Variants in KLF13 observed in about 807,000 individuals in gnomAD.
KLF13 encodes Krueppel-like factor 13.
Under a neutral mutation model 16.7 loss-of-function variants are expected in KLF13, and 8 were observed. The ratio of observed to expected loss-of-function variants is 0.48; its 90% CI spans 0.28 to 0.87. The LOEUF (loss-of-function observed/expected upper bound fraction) is 0.87. KLF13 is among the 40% of genes least tolerant of loss of function. The probability of loss-of-function intolerance (pLI) is 0.10; values close to 1 mark genes in which losing one functional copy is unlikely to be tolerated. For synonymous variants in KLF13, 245 were observed against 208.4 expected (o/e 1.18, Z -1.51); for missense variants, 447 against 452.2 (o/e 0.99, Z 0.10).
At chr15:31,420,387 G>A in intron 1 of KLF13, 1 of 1,145,192 alleles carries the variant, frequency 8.7e-7, no homozygotes, top group Non-Finnish European at 1.3e-6. Flanking sequence ...GAGTTCCCCA[G>A]TGGCTACCCT....
chr15:31,414,215 CAT>C (rs1290660075), intron 1 of KLF13, among the ~76,000 whole-genome samples: 3 of 151,810 alleles, frequency 2.0e-5, no homozygotes, highest in African/African-American at 7.3e-5. Context: ...TAAAAAATGA[CAT>C]AAAAATATAG....
intron 1 of KLF13, among the ~76,000 whole-genome samples, chr15:31,340,821 A>G (rs1378523356): frequency 2.0e-5 from 3 of 152,234 alleles, no homozygotes; most frequent in Non-Finnish European, 2.9e-5. Flanking sequence ...GTGAGCCACG[A>G]TCTTGCCACT....
intron 2 of KLF13, among the ~76,000 whole-genome samples, chr15:31,401,139 T>A (rs1371861135): frequency 6.6e-6 from 1 of 152,152 alleles, no homozygotes; most frequent in Non-Finnish European, 1.5e-5. Context: ...TAGCTGGGAT[T>A]ACAGGCATGC....
intron 1 of KLF13, among the ~76,000 whole-genome samples, chr15:31,383,430 G>A (rs1439666765): frequency 6.6e-6 from 1 of 152,170 alleles, no homozygotes; most frequent in Non-Finnish European, 1.5e-5. Flanking sequence ...AAATCCAAGA[G>A]AACAGGTGCC....
At chr15:31,360,061 G>T (rs1471406722) in intron 1 of KLF13, among the ~76,000 whole-genome samples, 1 of 152,246 alleles carries the variant, frequency 6.6e-6, no homozygotes, top group African/African-American at 2.4e-5. Flanking sequence ...GTCCCGTACA[G>T]AGCTGTTGCA....
intron 1 of KLF13, among the ~76,000 whole-genome samples, chr15:31,368,952 G>A (rs2039517072): frequency 6.6e-6 from 1 of 152,088 alleles, no homozygotes; most frequent in African/African-American, 2.4e-5. Context: ...TCTGATTTTA[G>A]TTGTCTTGAT....
At position 31,401,442 on chromosome 15, in the gene KLF13, G is replaced by A. The variant is rs1460239708; in HGVS notation, n.530-1986G>A. Among the ~76,000 whole-genome samples, 6 of 152,346 alleles carry A rather than the reference G, an allele frequency of 3.9e-5. No homozygotes were observed. The East Asian group carries it at 1.2e-3, about 29-fold the overall frequency. On this transcript the variant is annotated intron_variant and non_coding_transcript_variant, in intron 2 of 2. Transcript: ENST00000500533. ...CTTGAGTCAGGGCAAGGCACGGGTA[G>A]GGGTGAAGTGGGTAGTGGGCTGCCT...
chr15:31,383,923 A>T (rs1321022390), intron 1 of KLF13, among the ~76,000 whole-genome samples: 1 of 76,176 alleles, frequency 1.3e-5, no homozygotes, highest in African/African-American at 8.2e-5. Flanking sequence ...AAATAAATAA[A>T]TAAAATAAAA....
intron 1 of KLF13, among the ~76,000 whole-genome samples, chr15:31,413,278 A>G (rs2040218913): frequency 6.6e-6 from 1 of 151,938 alleles, no homozygotes; most frequent in Non-Finnish European, 1.5e-5. Flanking sequence ...ACCATGTACC[A>G]GAAGGAGAGG....
chr15:31,406,290 A>G (rs1051743891), downstream of KLF13, among the ~76,000 whole-genome samples: 1 of 152,248 alleles, frequency 6.6e-6, no homozygotes, highest in Non-Finnish European at 1.5e-5. Context: ...CAGCCGGGCC[A>G]ACATGGCGAA....
intron 1 of KLF13, among the ~76,000 whole-genome samples, chr15:31,365,691 G>T (rs1280156046): frequency 6.6e-6 from 1 of 152,160 alleles, no homozygotes; most frequent in Non-Finnish European, 1.5e-5. Context: ...CTTGGAGCGT[G>T]CCCTTTGCGC....
At chr15:31,401,654 C>T (rs924845520) in intron 2 of KLF13, among the ~76,000 whole-genome samples, 4 of 152,136 alleles carry the variant, frequency 2.6e-5, no homozygotes, top group African/African-American at 7.2e-5. Flanking sequence ...TAACACTCAG[C>T]GGGAAAGACT....
chr15:31,333,338 G>A (rs569048417), intron 1 of KLF13, among the ~76,000 whole-genome samples: 4 of 152,232 alleles, frequency 2.6e-5, no homozygotes, highest in African/African-American at 9.6e-5. Context: ...GGGTGTACCT[G>A]CTGTGTCCTA....
downstream of KLF13, among the ~76,000 whole-genome samples, chr15:31,408,753 AG>A (rs1430809197): frequency 6.6e-6 from 1 of 152,212 alleles, no homozygotes; most frequent in African/African-American, 2.4e-5. Context: ...TGTAATGATT[AG>A]TGTGTTAAAG....
chr15:31,424,384 A>G (rs1257617214), intron 1 of KLF13, among the ~76,000 whole-genome samples: 1 of 152,174 alleles, frequency 6.6e-6, no homozygotes, highest in East Asian at 1.9e-4. Flanking sequence ...ACCAAGTGGG[A>G]TTTATTCCTG....
At chr15:31,340,657 G>T (rs754735154) in intron 1 of KLF13, among the ~76,000 whole-genome samples, 7 of 152,196 alleles carry the variant, frequency 4.6e-5, no homozygotes, top group Non-Finnish European at 1.0e-4. Flanking sequence ...ACTTTGGGAG[G>T]CTGAGGCAGG....
Position 31,375,948 on chromosome 15 carries a change from G to C in KLF13, c.*3649G>C, listed in dbSNP as rs905533384. ...CGAGGCAGGTGCAGGATTCGCCATG[G>C]TGCAGCCTCCGGGTACAAACATCTG... On this transcript the variant is annotated 3_prime_UTR_variant, in exon 2 of 2. Transcript: ENST00000307145. 1 of 152,364 alleles carries C rather than the reference G, an allele frequency of 6.6e-6. No individual in the cohort carries two copies. Among genetic ancestry groups the C allele is most frequent in the South Asian group, 2.1e-4 (1 of 4,834 alleles). The allele number at this position is 152,364 out of a possible 1,614,324, so 9.4% of individuals were successfully genotyped here.
chr15:31,358,721 A>G (rs1011187304), intron 1 of KLF13, among the ~76,000 whole-genome samples: 9 of 152,214 alleles, frequency 5.9e-5, no homozygotes, highest in Non-Finnish European at 8.8e-5. Flanking sequence ...GTGGATTCCA[A>G]CCTCATATTC....
At chr15:31,391,215 G>T (rs971762107), upstream of KLF13, among the ~76,000 whole-genome samples, 1 of 95,844 alleles carries the variant, frequency 1.0e-5, no homozygotes, top group Non-Finnish European at 2.2e-5. Flanking sequence ...CCTGTGGGGG[G>T]GCTGGGTATA....
Sources: gnomAD v4.1 joint callset for allele counts (sites outside exome capture counted in the v4.1 genomes callset) on GRCh38, gnomAD v4.1.1 for gene constraint, MANE v1.5 for transcripts, NCBI Gene and HGNC (gene_info 2026-07-23, HGNC 2026-07-21) for gene names.